The following SPATA6 variants were observed in gnomAD, a reference collection of about 807,000 sequenced individuals.
SPATA6 encodes spermatogenesis associated 6.
Under a neutral mutation model 65.3 loss-of-function variants are expected in SPATA6, and 56 were observed. The observed-to-expected ratio is 0.86, with a 90% CI of 0.69 to 1.07. The LOEUF is 1.07. SPATA6 is among the 50% of genes least tolerant of loss of function. The pLI is 0.00. For synonymous variants in SPATA6, 199 were observed against 213.2 expected (o/e 0.93, Z 0.58); for missense variants, 590 against 594.8 (o/e 0.99, Z 0.08).
chr1:48,405,987 T>C (rs927613916), intron 5 of SPATA6, among the ~76,000 whole-genome samples: 8 of 152,098 alleles, frequency 5.3e-5, no homozygotes, highest in African/African-American at 1.9e-4. Context: ...CTGGTATAGA[T>C]AGGGCTGCTG....
At chr1:48,452,907 A>G in intron 2 of SPATA6, 87 bp downstream of exon 2, 2 of 1,439,412 alleles carry the variant, frequency 1.4e-6, no homozygotes, top group South Asian at 1.4e-5. Flanking sequence ...AGTCAGCAGT[A>G]ATAATTTGTG....
intron 3 of SPATA6, among the ~76,000 whole-genome samples, chr1:48,429,774 T>G (rs913681675): frequency 6.6e-6 from 1 of 151,940 alleles, no homozygotes; most frequent in African/African-American, 2.4e-5. Flanking sequence ...ATGAACAAAA[T>G]GGAAATATCA....
At chr1:48,275,717 G>A in the SPATA6 span, among the ~76,000 whole-genome samples, 1 of 152,154 alleles carries the variant, frequency 6.6e-6, no homozygotes, top group Non-Finnish European at 1.5e-5. Flanking sequence ...AAGGCAACTT[G>A]ATCATGGCAG....
chr1:48,373,288 G>T (rs1332753258), intron 9 of SPATA6, among the ~76,000 whole-genome samples: 3 of 152,160 alleles, frequency 2.0e-5, no homozygotes, highest in Admixed American at 1.3e-4. Flanking sequence ...CAAGTTCAAA[G>T]TTCCACAAAT....
chr1:48,277,927 C>T, the SPATA6 span, among the ~76,000 whole-genome samples: 4 of 152,230 alleles, frequency 2.6e-5, no homozygotes. Flanking sequence ...CTGGGAGGCA[C>T]CCCTCAGTAG....
intron 2 of SPATA6, among the ~76,000 whole-genome samples, chr1:48,452,399 T>TG (rs1445380828): frequency 6.6e-6 from 1 of 150,978 alleles, no homozygotes; most frequent in African/African-American, 2.5e-5. Context: ...TTTTTTTTTT[T>TG]TTTAGATGGA....
At chr1:48,465,900 T>C (rs1570657147) in intron 1 of SPATA6, among the ~76,000 whole-genome samples, 1 of 152,286 alleles carries the variant, frequency 6.6e-6, no homozygotes, top group African/African-American at 2.4e-5. Flanking sequence ...TTTGTGTTTA[T>C]AAATAAACAG....
intron 1 of SPATA6, among the ~76,000 whole-genome samples, chr1:48,471,257 G>A (rs1445471616): frequency 6.6e-6 from 1 of 152,162 alleles, no homozygotes; most frequent in Non-Finnish European, 1.5e-5. Context: ...GGGTGGGGTT[G>A]CAAGGTTGGA....
chr1:48,359,477 A>G, intron 10 of SPATA6, 109 bp downstream of exon 10: 3 of 1,282,514 alleles, frequency 2.3e-6, no homozygotes, highest in Non-Finnish European at 1.1e-6. Flanking sequence ...GCCTTTTAAA[A>G]TCAAATTACA....
intron 1 of SPATA6, among the ~76,000 whole-genome samples, chr1:48,469,888 A>C (rs75929986): frequency 0.033 from 5,089 of 152,086 alleles, 92 homozygotes; most frequent in South Asian, 0.06. Context: ...GTTGTTCAAA[A>C]ATTCGGGAAC....
At chr1:48,369,235 T>G (rs1647147484) in intron 9 of SPATA6, among the ~76,000 whole-genome samples, 1 of 152,148 alleles carries the variant, frequency 6.6e-6, no homozygotes, top group African/African-American at 2.4e-5. Context: ...GCTGCTCGGG[T>G]GTCAGGGACC....
At chr1:48,358,528 G>A (rs1412846477) in intron 10 of SPATA6, among the ~76,000 whole-genome samples, 1 of 152,054 alleles carries the variant, frequency 6.6e-6, no homozygotes, top group Admixed American at 6.6e-5. Flanking sequence ...AATTCTAAAA[G>A]TCGGTAAAAA....
At chr1:48,331,565 T>G (rs72891584) in intron 11 of SPATA6, among the ~76,000 whole-genome samples, 2 of 152,068 alleles carry the variant, frequency 1.3e-5, no homozygotes, top group Middle Eastern at 3.2e-3. Context: ...CCTGGAAATA[T>G]GGGATTATGT....
chr1:48,338,470 G>T (rs1456573572), intron 11 of SPATA6, among the ~76,000 whole-genome samples: 1 of 152,024 alleles, frequency 6.6e-6, no homozygotes, highest in Non-Finnish European at 1.5e-5. Flanking sequence ...AAGAGATAAG[G>T]ATCTATCAGG....
At chr1:48,365,533 T>G (rs1371116283) in intron 9 of SPATA6, among the ~76,000 whole-genome samples, 1 of 152,188 alleles carries the variant, frequency 6.6e-6, no homozygotes, top group Non-Finnish European at 1.5e-5. Context: ...TAAGTTGGAT[T>G]CCTAGGTATT....
intron 8 of SPATA6, among the ~76,000 whole-genome samples, chr1:48,392,181 A>G (rs951505883): frequency 6.6e-6 from 1 of 152,144 alleles, no homozygotes; most frequent in Non-Finnish European, 1.5e-5. Flanking sequence ...ATCATCTGAT[A>G]AGGGATTAAT....
chr1:48,262,552 T>C, the SPATA6 span: 4 of 152,124 alleles, frequency 2.6e-5, no homozygotes, highest in Admixed American at 1.3e-4. Context: ...AAATGTCCAA[T>C]AGAGGAATGG....
chr1:48,356,738 C>G (rs981907807), intron 10 of SPATA6, among the ~76,000 whole-genome samples: 1 of 151,876 alleles, frequency 6.6e-6, no homozygotes, highest in Non-Finnish European at 1.5e-5. Context: ...CTGCTGACCT[C>G]GTGATCCGCC....
Position 48,359,615 on chromosome 1 carries a change from A to C in SPATA6, c.1065T>G (p.Pro355=), listed in dbSNP as rs1312902582. 6.2e-7 allele frequency: 1 copy of C among 1,613,506 alleles called. No individual in the cohort carries two copies. The highest frequency in any genetic ancestry group is 1.3e-5 in the African/African-American group (1 of 75,002). ...PSTMPKHSPS[P]VLNRASLRER... ...CCCTGAGAGAAGCTCTATTTAACAC[A>C]GGGCTTGGAGAATGCTTTGGCATTG... The change falls in exon 10 of 13, where the codon CCT becomes CCG. Residue 355 remains proline, a synonymous_variant. Coordinates refer to ENST00000371847, the MANE Select transcript of SPATA6 (RefSeq NM_019073.4).
Sources: gnomAD v4.1 joint callset for allele counts (sites outside exome capture counted in the v4.1 genomes callset) on GRCh38, gnomAD v4.1.1 for gene constraint, MANE v1.5 for transcripts, NCBI Gene and HGNC (gene_info 2026-07-23, HGNC 2026-07-21) for gene names.